The following MCM5 variants were observed in gnomAD, a reference collection of about 807,000 sequenced individuals.
MCM5 encodes the protein DNA replication licensing factor MCM5.
In MCM5, 46 loss-of-function variants were observed where a neutral mutation model predicts 79.9. That is an observed-to-expected ratio of 0.58 (90% CI 0.45 to 0.74). The LOEUF (loss-of-function observed/expected upper bound fraction) is 0.74, where lower values mean the gene tolerates loss of function less well. Ranked by LOEUF, MCM5 falls within the 30% of genes least tolerant of loss-of-function variation. The pLI is 0.00. For missense variants in MCM5, 883 were observed against 1,017.0 expected, an observed-to-expected ratio of 0.87 and a Z score of 1.79; for synonymous variants, 404 against 390.5, an observed-to-expected ratio of 1.03 and a Z score of -0.41.
chr22:35,445,195 C>T, the MCM5 span, among the ~76,000 whole-genome samples: 1 of 152,168 alleles, frequency 6.6e-6, no homozygotes, highest in Non-Finnish European at 1.5e-5. Flanking sequence ...TGGGAATAAG[C>T]GTGACCTCAC....
rs772339570 is a variant in MCM5, at chr22:35,423,282, C to A, written c.2044C>A (p.Arg682Ser). The A allele has an allele frequency of 6.2e-7, 1 of 1,608,936 alleles. No homozygotes were observed. The highest frequency in any genetic ancestry group is 1.7e-5 in the Admixed American group (1 of 59,602). The change falls in exon 16 of 17, where the codon CGC becomes AGC. Residue 682 changes from arginine (R) to serine (S), a missense_variant. This residue lies in a region of MCM5 where 426 missense variants were observed against 482.3 expected (regional missense o/e 0.88). Transcript: ENST00000216122. The stretch of plus-strand genomic sequence containing the variant: ...CCGCATCGAGAAGCAGCTCAAGCGC[C>A]GCTTTGCCATTGGCTCCCAGGTGTC... Reference protein sequence around the residue: ...LSRIEKQLKRRFAIGSQVSEH... With the variant: ...LSRIEKQLKRSFAIGSQVSEH...
the MCM5 span, among the ~76,000 whole-genome samples, chr22:35,435,780 G>T: frequency 1.3e-4 from 20 of 152,214 alleles, no homozygotes; most frequent in Admixed American, 3.3e-4. Flanking sequence ...TCCTGCATCT[G>T]CTGCAGGCCT....
At chr22:35,451,087 T>A in the MCM5 span, among the ~76,000 whole-genome samples, 4 of 152,156 alleles carry the variant, frequency 2.6e-5, no homozygotes. Context: ...CTACCCCAAA[T>A]GGTGTTCACC....
downstream of MCM5, among the ~76,000 whole-genome samples, chr22:35,427,495 CAT>C (rs1491437824): frequency 2.1e-5 from 3 of 145,910 alleles, no homozygotes; most frequent in Admixed American, 6.8e-5. Flanking sequence ...GTATTTAACA[CAT>C]TTTTTTTTTT....
At chr22:35,414,809 G>A (rs1364751294) in intron 9 of MCM5, among the ~76,000 whole-genome samples, 1 of 152,126 alleles carries the variant, frequency 6.6e-6, no homozygotes, top group African/African-American at 2.4e-5. Context: ...CTCACTGCTG[G>A]TAAGCATTAG....
downstream of MCM5, among the ~76,000 whole-genome samples, chr22:35,428,406 C>T (rs1932791473): frequency 6.6e-6 from 1 of 151,890 alleles, no homozygotes; most frequent in Admixed American, 6.6e-5. Context: ...ATCGATCCTC[C>T]TGCCTCGGCC....
chr22:35,435,017 G>A, the MCM5 span, among the ~76,000 whole-genome samples: 8 of 152,230 alleles, frequency 5.3e-5, no homozygotes, highest in African/African-American at 1.7e-4. Flanking sequence ...TGGGTATGGT[G>A]GCAGGTGCCT....
chr22:35,400,659 C>G (rs743813), intron 2 of MCM5, 54 bp downstream of exon 2: 731,220 of 1,502,800 alleles, frequency 0.49, 187,687 homozygotes, highest in Non-Finnish European at 0.53. Flanking sequence ...GCTCACACGC[C>G]TCTACCAGCC....
chr22:35,416,420 T>C lies in MCM5; in HGVS notation c.1413+16T>C, dbSNP rs1932541516. ...TATCGCCAAGGTGAGTGGCCCTCCA[T>C]GGAGAGCCCAGCCTGCAGCAGCCCA... On this transcript the variant is annotated intron_variant, in intron 11 of 16. Coordinates refer to ENST00000216122, the MANE Select transcript of MCM5 (RefSeq NM_006739.4). The C allele has an allele frequency of 6.2e-7, 1 of 1,611,162 alleles. No homozygotes were observed. Among genetic ancestry groups the C allele is most frequent in the African/African-American group, 1.4e-5 (1 of 73,712 alleles).
intron 2 of MCM5, among the ~76,000 whole-genome samples, chr22:35,401,051 C>G (rs776407702): frequency 3.9e-5 from 6 of 152,170 alleles, no homozygotes; most frequent in Non-Finnish European, 8.8e-5. Context: ...AACTCCTGAC[C>G]TCAAGTGATC....
chr22:35,447,439 G>T, the MCM5 span, among the ~76,000 whole-genome samples: 2 of 143,298 alleles, frequency 1.4e-5, no homozygotes, highest in East Asian at 4.0e-4. Context: ...TGGACTTTTT[G>T]TTGTTGTTAT....
chr22:35,422,963 C>G, intron 15 of MCM5: 1 of 332,708 alleles, frequency 3.0e-6, no homozygotes, highest in Non-Finnish European at 5.4e-6. Context: ...GCGCTGGGCC[C>G]CGGGCTGCTT....
At chr22:35,421,824 C>G in intron 15 of MCM5, 2 of 346,702 alleles carry the variant, frequency 5.8e-6, no homozygotes, top group South Asian at 4.6e-5. Context: ...CAGCTGCCCC[C>G]TGGAAGCCAG....
intron 4 of MCM5, 29 bp downstream of exon 4, chr22:35,403,571 G>A (rs1932125893): frequency 6.2e-7 from 1 of 1,608,210 alleles, no homozygotes; most frequent in African/African-American, 1.3e-5. Context: ...GCTGCTGCAT[G>A]GTGCAGAGGG....
At chr22:35,428,438 G>C (rs1211723444), downstream of MCM5, among the ~76,000 whole-genome samples, 1 of 151,900 alleles carries the variant, frequency 6.6e-6, no homozygotes, top group African/African-American at 2.4e-5. Flanking sequence ...TTAGATTACA[G>C]GTGTGAGCCA....
the MCM5 span, among the ~76,000 whole-genome samples, chr22:35,451,978 G>T: frequency 1.3e-5 from 2 of 152,208 alleles, no homozygotes; most frequent in East Asian, 3.9e-4. Context: ...GGGTGATGGG[G>T]TGGGAGGGTC....
the MCM5 span, among the ~76,000 whole-genome samples, chr22:35,433,909 G>A: frequency 4.6e-5 from 7 of 152,188 alleles, no homozygotes; most frequent in Non-Finnish European, 7.3e-5. Context: ...GATTCCATGT[G>A]GCATCCCTTC....
the MCM5 span, among the ~76,000 whole-genome samples, chr22:35,446,836 TG>T: frequency 1.3e-4 from 1 of 7,828 alleles, no homozygotes; most frequent in East Asian, 8.0e-4. Flanking sequence ...CTTTTCTGAA[TG>T]GGGGGGTTTG....
At chr22:35,417,452 G>A (rs1022239396) in intron 12 of MCM5, among the ~76,000 whole-genome samples, 2 of 151,016 alleles carry the variant, frequency 1.3e-5, no homozygotes, top group African/African-American at 5.0e-5. Context: ...CCAAGTTGGG[G>A]TGGACAAGAT....
Sources: gnomAD v4.1 joint callset for allele counts (sites outside exome capture counted in the v4.1 genomes callset) on GRCh38, gnomAD v4.1.1 for gene constraint, gnomAD v4.1.1 regional missense constraint, MANE v1.5 for transcripts, NCBI Gene and HGNC (gene_info 2026-07-23, HGNC 2026-07-21) for gene names.